Variants in PHF12 observed in about 807,000 individuals in gnomAD.
PHF12 encodes the protein PHD factor 1.
Under a neutral mutation model 99.8 loss-of-function variants are expected in PHF12, and 6 were observed. That is an observed-to-expected ratio of 0.06 (90% confidence interval 0.03 to 0.12). PHF12 has a LOEUF of 0.12. PHF12 is among the 10% of genes least tolerant of loss of function. The pLI is 1.00. For synonymous variants in PHF12, 480 were observed against 514.9 expected (o/e 0.93, Z 0.92); for missense variants, 954 against 1,300.1 (o/e 0.73, Z 4.09).
chr17:28,921,829 G>A, intron 4 of PHF12, 21 bp from the exon 5 acceptor site: 1 of 1,613,538 alleles, frequency 6.2e-7, no homozygotes, highest in Non-Finnish European at 8.5e-7. Context: ...AAATGATGGT[G>A]CTGAGCTATC....
rs149331934 is a variant in PHF12, at chr17:28,926,952, C to T, written c.321+39G>A. ...GCTCTAGCATATCAGTGCTCTGGATCAGGCTTTCTGGACAGTCTTCAGAAA... is the reference window on the plus strand; with the variant it reads ...GCTCTAGCATATCAGTGCTCTGGATTAGGCTTTCTGGACAGTCTTCAGAAA... On this transcript the variant is annotated intron_variant, in intron 3 of 14. Coordinates refer to ENST00000332830, the MANE Select transcript of PHF12 (RefSeq NM_001033561.2). 2.6e-3 allele frequency: 4,168 copies of T among 1,611,162 alleles called. 33 individuals carry two copies. The highest frequency in any genetic ancestry group is 2.5e-3 in the Non-Finnish European group (2,969 of 1,177,340).
Position 28,951,475 on chromosome 17 carries a change from C to G in PHF12, c.-515G>C. 1 of 985,482 alleles carries G rather than the reference C, an allele frequency of 1.0e-6. No homozygotes were observed. The allele number at this position is 985,482 out of a possible 1,614,324, so 61.0% of individuals were successfully genotyped here. A position where few individuals can be genotyped will look rare whatever the true frequency, so the allele number is the denominator to read the frequency against. On this transcript the variant is annotated 5_prime_UTR_variant, in exon 1 of 15. Transcript: ENST00000332830. The stretch of plus-strand genomic sequence containing the variant: ...ACTTGGCGCAAACTTACCGCGAGCG[C>G]CCGCAAAGCCACCCGCGCAGGCGCC...
intron 2 of PHF12, among the ~76,000 whole-genome samples, chr17:28,948,191 A>G (rs773315757): frequency 6.6e-6 from 1 of 152,244 alleles, no homozygotes; most frequent in Non-Finnish European, 1.5e-5. Flanking sequence ...GTCAGCAATC[A>G]TGGTTAACAC....
chr17:28,936,926 C>T (rs1175842403), intron 2 of PHF12, among the ~76,000 whole-genome samples: 1 of 152,118 alleles, frequency 6.6e-6, no homozygotes, highest in East Asian at 1.9e-4. Context: ...GGCCCTGCGG[C>T]CCTCATCCAG....
chr17:28,951,216 C>T lies in PHF12; in HGVS notation c.-256G>A, dbSNP rs888135521. On this transcript the variant is annotated 5_prime_UTR_variant, in exon 1 of 15. Coordinates refer to ENST00000332830, the MANE Select transcript of PHF12 (RefSeq NM_001033561.2). ...CTGGCTGCACAGTGGGTCCCGGCTC[C>T]GGGGGTCAGGCCTCGGCGGGGCCTA... The T allele has an allele frequency of 4.4e-5, 60 of 1,356,990 alleles. No individual in the cohort carries two copies. Among genetic ancestry groups the T allele is most frequent in the African/African-American group, 7.6e-5 (5 of 65,592 alleles). 84.1% of individuals were successfully genotyped at this position (1,356,990 alleles called of 1,614,324 possible). A position where few individuals can be genotyped will look rare whatever the true frequency, so the allele number is the denominator to read the frequency against.
In PHF12 at chr17:28,951,110, C is replaced by A; in HGVS notation, c.-150G>T. 1 of 1,456,936 alleles carries A rather than the reference C, an allele frequency of 6.9e-7. No homozygotes were observed. Among genetic ancestry groups the A allele is most frequent in the Non-Finnish European group, 9.0e-7 (1 of 1,105,980 alleles). The allele number at this position is 1,456,936 out of a possible 1,614,324, so 90.3% of individuals were successfully genotyped here. A position where few individuals can be genotyped will look rare whatever the true frequency, so the allele number is the denominator to read the frequency against. The stretch of plus-strand genomic sequence containing the variant: ...TCCTCGCCCTGGCTCCCCCCCACCC[C>A]CCGGCCCCCAGTCCCCGGGACGACA... On this transcript the variant is annotated 5_prime_UTR_variant, in exon 1 of 15. Coordinates refer to ENST00000332830, the MANE Select transcript of PHF12 (RefSeq NM_001033561.2).
At position 28,945,698 on chromosome 17, in the gene PHF12, T is replaced by C. The variant is rs901281235; in HGVS notation, c.248+4367A>G. Among the ~76,000 whole-genome samples, 81 of 152,288 alleles carry C rather than the reference T, an allele frequency of 5.3e-4. 2 individuals are homozygous for C. Among genetic ancestry groups the C allele is most frequent in the African/African-American group, 1.7e-3 (72 of 41,560 alleles). ...ATCCTACCAATCTCAAACAGAAAGA[T>C]GGGTCAGTGAAAAGTAAAGCTGTAC... On this transcript the variant is annotated intron_variant, in intron 2 of 14. Coordinates refer to ENST00000332830, the MANE Select transcript of PHF12 (RefSeq NM_001033561.2).
intron 7 of PHF12, among the ~76,000 whole-genome samples, chr17:28,916,056 C>T (rs548930431): frequency 3.9e-5 from 6 of 152,308 alleles, no homozygotes; most frequent in East Asian, 3.8e-4. Context: ...CATCCATTTC[C>T]GAAATATTTG....
intron 8 of PHF12, 31 bp downstream of exon 8, chr17:28,913,848 G>A (rs1344680952): frequency 2.5e-6 from 4 of 1,579,094 alleles, no homozygotes; most frequent in Non-Finnish European, 3.5e-6. Flanking sequence ...AGGAAGGTTG[G>A]ATTTGGAATC....
At chr17:28,919,031 C>T in intron 6 of PHF12, 112 bp downstream of exon 6, 2 of 1,366,758 alleles carry the variant, frequency 1.5e-6, no homozygotes, top group South Asian at 1.5e-5. Flanking sequence ...GAAACCAGTA[C>T]CTATGACAAT....
Position 28,924,700 on chromosome 17 carries a change from C to T in PHF12, c.322-398G>A, listed in dbSNP as rs181742923. ...GCACGGTGGCTCACGTCTGTAATCC[C>T]AGCACTTTGGGAGGCCGAGGCAGGC... On this transcript the variant is annotated intron_variant, in intron 3 of 14. Coordinates refer to ENST00000332830, the MANE Select transcript of PHF12 (RefSeq NM_001033561.2). 1.2e-4 allele frequency: 34 copies of T among 280,064 alleles called. No individual in the cohort carries two copies. In the East Asian group the frequency reaches 3.2e-3, roughly 27 times the overall value. The allele number at this position is 280,064 out of a possible 1,614,324, so 17.3% of individuals were successfully genotyped here. A position where few individuals can be genotyped will look rare whatever the true frequency, so the allele number is the denominator to read the frequency against.
intron 2 of PHF12, among the ~76,000 whole-genome samples, chr17:28,939,622 T>G (rs561284449): frequency 6.6e-6 from 1 of 152,368 alleles, no homozygotes; most frequent in East Asian, 1.9e-4. Flanking sequence ...ATCATTGCCT[T>G]ATTTCATAAT....
At chr17:28,908,480 A>G (rs942673345) in intron 12 of PHF12, 5 of 315,596 alleles carry the variant, frequency 1.6e-5, no homozygotes, top group Non-Finnish European at 3.0e-5. Flanking sequence ...TAGCCCAGCT[A>G]ATTTTTTATA....
chr17:28,945,972 A>G (rs1216641596), intron 2 of PHF12, among the ~76,000 whole-genome samples: 2 of 152,290 alleles, frequency 1.3e-5, no homozygotes, highest in East Asian at 3.9e-4. Context: ...TGTCTCTACT[A>G]AAAATACAAG....
At chr17:28,934,664 G>A (rs1298160029) in intron 2 of PHF12, among the ~76,000 whole-genome samples, 1 of 146,464 alleles carries the variant, frequency 6.8e-6, no homozygotes, top group Non-Finnish European at 1.5e-5. Context: ...AGGCTGGAGC[G>A]CAATGGTGCG....
chr17:28,940,373 G>A (rs935836200), intron 2 of PHF12, among the ~76,000 whole-genome samples: 1 of 152,226 alleles, frequency 6.6e-6, no homozygotes. Context: ...AAAAGGGAAA[G>A]TAGGCAGCAG....
At chr17:28,923,349 C>T (rs1567959359) in intron 4 of PHF12, among the ~76,000 whole-genome samples, 3 of 147,412 alleles carry the variant, frequency 2.0e-5, no homozygotes, top group African/African-American at 7.5e-5. Flanking sequence ...ATGTATAATA[C>T]TTTTTTTTTT....
At chr17:28,922,530 A>G (rs977200030) in intron 4 of PHF12, among the ~76,000 whole-genome samples, 1 of 152,196 alleles carries the variant, frequency 6.6e-6, no homozygotes, top group Non-Finnish European at 1.5e-5. Context: ...AAAAAAAAAG[A>G]ATGGAGGACA....
At chr17:28,923,340 T>A (rs1321666465) in intron 4 of PHF12, among the ~76,000 whole-genome samples, 1 of 108,350 alleles carries the variant, frequency 9.2e-6, no homozygotes, top group Non-Finnish European at 1.8e-5. Context: ...ACCATGTGAA[T>A]GTATAATACT....
Sources: allele counts gnomAD v4.1 joint callset (sites outside exome capture counted in the v4.1 genomes callset), GRCh38; gene constraint gnomAD v4.1.1; transcripts MANE v1.5; gene names NCBI Gene and HGNC (gene_info 2026-07-23, HGNC 2026-07-21).